ENOX1: variants seen among roughly 807,000 people sequenced by gnomAD.
The protein encoded by ENOX1 is candidate growth-related and time keeping constitutive hydroquinone (NADH) oxidase.
ENOX1 carries 42 observed loss-of-function variants against 82.5 expected under a neutral mutation model. The ratio of observed to expected loss-of-function variants is 0.51; its 90% CI spans 0.40 to 0.66. ENOX1 has a LOEUF of 0.66. ENOX1 is among the 30% of genes least tolerant of loss of function. The pLI is 0.00. For missense variants in ENOX1, 608 were observed against 811.6 expected, an observed-to-expected ratio of 0.75 and a Z score of 3.05; for synonymous variants, 271 against 282.2, an observed-to-expected ratio of 0.96 and a Z score of 0.40.
In ENOX1 at chr13:43,386,569, A is replaced by G. The variant is rs900248887; in HGVS notation, c.209-25117T>C. Among the ~76,000 whole-genome samples the G allele has an allele frequency of 1.8e-4, 28 of 152,234 alleles. 1 individual carries two copies. The highest frequency in any genetic ancestry group is 2.9e-5 in the Non-Finnish European group (2 of 68,042). The stretch of plus-strand genomic sequence containing the variant: ...GTGTATCTGTAAGTGAAGAGAGTCA[A>G]TTGAAACTAATGTTCACCAAAGACC... On this transcript the variant is annotated intron_variant, in intron 5 of 16. Coordinates refer to ENST00000690772, the MANE Select transcript of ENOX1 (RefSeq NM_001347969.2).
At chr13:43,607,574 T>C (rs986273029) in intron 2 of ENOX1, among the ~76,000 whole-genome samples, 1 of 152,150 alleles carries the variant, frequency 6.6e-6, no homozygotes, top group South Asian at 2.1e-4. Flanking sequence ...TCCCCAAATA[T>C]ATGAGATACA....
intron 3 of ENOX1, among the ~76,000 whole-genome samples, chr13:43,427,653 C>A (rs184414335): frequency 6.6e-6 from 1 of 152,106 alleles, no homozygotes; most frequent in Non-Finnish European, 1.5e-5. Flanking sequence ...GTGCTTGATA[C>A]CAAGAACGTA....
At chr13:43,433,953 G>A (rs2055844176) in intron 3 of ENOX1, among the ~76,000 whole-genome samples, 1 of 152,228 alleles carries the variant, frequency 6.6e-6, no homozygotes, top group South Asian at 2.1e-4. Context: ...TCTTTGCACA[G>A]TAGAGATGGG....
intron 2 of ENOX1, among the ~76,000 whole-genome samples, chr13:43,627,620 T>G (rs573619136): frequency 6.6e-6 from 1 of 152,212 alleles, no homozygotes; most frequent in East Asian, 1.9e-4. Flanking sequence ...TAATTTTTAC[T>G]TCAACTACCA....
At chr13:43,503,556 T>C (rs2077050664) in intron 2 of ENOX1, among the ~76,000 whole-genome samples, 1 of 151,504 alleles carries the variant, frequency 6.6e-6, no homozygotes. Flanking sequence ...TGGAGCAAAG[T>C]AGAGAATCCA....
chr13:43,401,433 T>G (rs1487268401), intron 5 of ENOX1, among the ~76,000 whole-genome samples: 2 of 151,912 alleles, frequency 1.3e-5, no homozygotes, highest in African/African-American at 2.4e-5. Flanking sequence ...GTCTAGAAGG[T>G]TTCCAGGGCT....
intron 1 of ENOX1, among the ~76,000 whole-genome samples, chr13:43,748,859 A>T (rs1463875269): frequency 6.6e-6 from 1 of 152,198 alleles, no homozygotes; most frequent in African/African-American, 2.4e-5. Context: ...TAATTAAAAG[A>T]TAAGAGAGCA....
At chr13:43,510,141 T>C (rs984130436) in intron 2 of ENOX1, among the ~76,000 whole-genome samples, 1 of 152,040 alleles carries the variant, frequency 6.6e-6, no homozygotes, top group Non-Finnish European at 1.5e-5. Flanking sequence ...ATAAATATTA[T>C]AGGACTTTCT....
chr13:43,542,680 C>A (rs2153695079), intron 2 of ENOX1, among the ~76,000 whole-genome samples: 1 of 152,310 alleles, frequency 6.6e-6, no homozygotes, highest in Admixed American at 6.5e-5. Flanking sequence ...AGGCAATCTG[C>A]CTGCCTCAGC....
chr13:43,361,173 G>A (rs1006100635), intron 6 of ENOX1, 106 bp downstream of exon 6: 2 of 1,166,542 alleles, frequency 1.7e-6, no homozygotes, highest in African/African-American at 3.1e-5. Flanking sequence ...TCCCCACTCT[G>A]TGCATTTACG....
At chr13:43,366,013 G>A (rs1452754983) in intron 5 of ENOX1, among the ~76,000 whole-genome samples, 1 of 152,204 alleles carries the variant, frequency 6.6e-6, no homozygotes, top group South Asian at 2.1e-4. Flanking sequence ...GAGAAGCCAC[G>A]TGATACCTGA....
At chr13:43,416,961 C>G (rs535419000) in intron 3 of ENOX1, among the ~76,000 whole-genome samples, 6 of 152,340 alleles carry the variant, frequency 3.9e-5, no homozygotes, top group African/African-American at 1.4e-4. Flanking sequence ...TCAATCCCAG[C>G]ACCTCGGGAG....
At chr13:43,563,718 G>A (rs1454948723) in intron 2 of ENOX1, among the ~76,000 whole-genome samples, 4 of 152,016 alleles carry the variant, frequency 2.6e-5, no homozygotes, top group Non-Finnish European at 5.9e-5. Context: ...GCTACTATGA[G>A]CCACTGTATG....
chr13:43,269,529 C>T lies in ENOX1; in HGVS notation c.1495G>A (p.Glu499Lys). 1 of 1,613,882 alleles carries T rather than the reference C, an allele frequency of 6.2e-7. No homozygotes were observed. Among genetic ancestry groups the T allele is most frequent in the Non-Finnish European group, 8.5e-7 (1 of 1,179,850 alleles). The change falls in exon 13 of 17, where the codon GAA becomes AAA. Residue 499 changes from glutamate (E) to lysine (K), a missense_variant. Transcript: ENST00000690772. ...TGGGACTGCTCTTCCTTTGCTTGTT[C>T]CAATTCTGACTTTTTGTTGTTTAAC... is the stretch of plus-strand genomic sequence containing the variant. ...EELNNKKSEL[E>K]QAKEEQSHTQ...
intron 5 of ENOX1, among the ~76,000 whole-genome samples, chr13:43,399,583 A>G (rs1041689721): frequency 1.3e-5 from 2 of 152,222 alleles, no homozygotes; most frequent in Non-Finnish European, 2.9e-5. Flanking sequence ...TTTGATCCCT[A>G]TAATATGTAC....
rs143828451 is a variant in ENOX1, at chr13:43,339,659, C to T, written c.1036+4879G>A. On this transcript the variant is annotated intron_variant, in intron 9 of 16. Coordinates refer to ENST00000690772, the MANE Select transcript of ENOX1 (RefSeq NM_001347969.2). The stretch of plus-strand genomic sequence containing the variant: ...GGCTACCATGGAATGCCATGAAGGA[C>T]GGCATTGACACTGGGGAGATCTTTC... 1.1e-3 allele frequency among the ~76,000 whole-genome samples: 174 copies of T among 152,230 alleles called. 6 individuals are homozygous for T. The South Asian group carries it at 0.03, about 26-fold the overall frequency.
At chr13:43,567,702 A>G (rs1364405575) in intron 2 of ENOX1, among the ~76,000 whole-genome samples, 1 of 152,182 alleles carries the variant, frequency 6.6e-6, no homozygotes, top group Admixed American at 6.6e-5. Flanking sequence ...CTTAATCTAC[A>G]TGTCTACTCT....
At chr13:43,216,452 T>C (rs987606622) in intron 16 of ENOX1, among the ~76,000 whole-genome samples, 2 of 152,216 alleles carry the variant, frequency 1.3e-5, no homozygotes, top group Non-Finnish European at 2.9e-5. Context: ...GACACTATTA[T>C]CTAACCTTTT....
intron 14 of ENOX1, among the ~76,000 whole-genome samples, chr13:43,242,214 G>C (rs914818376): frequency 6.6e-6 from 1 of 152,160 alleles, no homozygotes; most frequent in East Asian, 1.9e-4. Context: ...TGACACCCTT[G>C]ACATTGGCCC....
Sources: allele counts gnomAD v4.1 joint callset (sites outside exome capture counted in the v4.1 genomes callset), GRCh38; gene constraint gnomAD v4.1.1; transcripts MANE v1.5; gene names NCBI Gene and HGNC (gene_info 2026-07-23, HGNC 2026-07-21).